The following PKD2L1 variants were observed in gnomAD, a reference collection of about 807,000 sequenced individuals.
The protein encoded by PKD2L1 is polycystin 2 like 1, transient receptor potential cation channel.
A neutral mutation model predicts 93.0 loss-of-function variants in PKD2L1; 77 were observed. The observed-to-expected ratio is 0.83, with a 90% CI of 0.69 to 1.00. The LOEUF is 1.00. PKD2L1 is among the 50% of genes least tolerant of loss of function. The pLI is 0.00. For missense variants in PKD2L1, 977 were observed against 990.9 expected, an observed-to-expected ratio of 0.99 and a Z score of 0.19; for synonymous variants, 390 against 388.0, an observed-to-expected ratio of 1.01 and a Z score of -0.06.
At chr10:100,293,175 C>G (rs921796811) in intron 10 of PKD2L1, 106 bp from the exon 11 acceptor site, 15 of 1,560,670 alleles carry the variant, frequency 9.6e-6, no homozygotes, top group African/African-American at 1.4e-5. Context: ...AATTTAAAGG[C>G]ACACAAGGGC....
At position 100,288,978 on chromosome 10, in the gene PKD2L1, C is replaced by G. The variant is rs1227864338; in HGVS notation, c.2329G>C (p.Glu777Gln). ...PDPWGVQGGQ[E>Q]SEVPYKREEE... ...TTTAGGCCCCCTTCCTCACCACTCT[C>G]CTGCCCACCCTGGACTCCCCAGGGG... The change falls in exon 15 of 16, where the codon GAG becomes CAG. Residue 777 changes from glutamate to glutamine, a missense_variant. Physicochemically the swap from Glu to Gln is conservative, Grantham distance 29. Coordinates refer to ENST00000318222, the MANE Select transcript of PKD2L1 (RefSeq NM_016112.3). 9 of 1,602,420 alleles carry G rather than the reference C, an allele frequency of 5.6e-6. No homozygotes were observed. Among genetic ancestry groups the G allele is most frequent in the Non-Finnish European group, 7.7e-6 (9 of 1,172,704 alleles).
In PKD2L1 at chr10:100,318,415, C is replaced by G. The variant is rs149743902; in HGVS notation, c.349+10796G>C. On this transcript the variant is annotated intron_variant, in intron 2 of 15. Coordinates refer to ENST00000318222, the MANE Select transcript of PKD2L1 (RefSeq NM_016112.3). ...GAGGCAGAGCTTGTGCTCAAACTCA[C>G]GCCTTGTAATACGAGTTATATGCTC... Among the ~76,000 whole-genome samples the G allele has an allele frequency of 3.9e-4, 60 of 152,274 alleles. No individual in the cohort carries two copies. In the South Asian group the frequency reaches 9.1e-3, roughly 23 times the overall value.
At chr10:100,318,427 C>T (rs145651874) in intron 2 of PKD2L1, among the ~76,000 whole-genome samples, 126 of 152,240 alleles carry the variant, frequency 8.3e-4, no homozygotes, top group African/African-American at 2.8e-3. Context: ...CCTTGTAATA[C>T]GAGTTATATG....
intron 2 of PKD2L1, among the ~76,000 whole-genome samples, chr10:100,327,706 A>G (rs1290924663): frequency 2.6e-5 from 4 of 152,216 alleles, no homozygotes; most frequent in Non-Finnish European, 5.9e-5. Flanking sequence ...TCAACAAATG[A>G]ATTTCTGACA....
chr10:100,291,181 A>C, intron 12 of PKD2L1, 120 bp downstream of exon 12: 8 of 1,046,152 alleles, frequency 7.6e-6, no homozygotes, highest in Non-Finnish European at 9.7e-6. Context: ...CTACTATTCT[A>C]GAGAGTTCTT....
intron 2 of PKD2L1, among the ~76,000 whole-genome samples, chr10:100,323,222 T>C (rs1163757074): frequency 6.6e-6 from 1 of 152,204 alleles, no homozygotes; most frequent in Non-Finnish European, 1.5e-5. Context: ...AAAGGTAATT[T>C]TATGTTATTT....
rs199649746 is a variant in PKD2L1, at chr10:100,295,065, C to T, written c.1415G>A (p.Arg472His). The T allele has an allele frequency of 8.6e-5, 139 of 1,613,892 alleles. No individual in the cohort carries two copies. Among genetic ancestry groups the T allele is most frequent in the Middle Eastern group, 3.3e-4 (2 of 6,084 alleles). ...GAAGCCCAGGATGTCCTTGGCACAG[C>T]GGGCCAGCGTGGAGGAGAGCTGGGT... ...TMTQLSSTLA[R>H]CAKDILGFAV... is the part of the protein sequence containing the mutation. The change falls in exon 8 of 16, where the codon CGC becomes CAC. Residue 472 changes from arginine (R) to histidine (H), a missense_variant. Physicochemically the swap from Arg to His is conservative, Grantham distance 29. Transcript: ENST00000318222.
Position 100,288,257 on chromosome 10 carries a change from T to C in PKD2L1, c.*139A>G. ...AATTCAAAGATCTCTGAATCCTGAGTTCATTTCCTTGCCTGATTCCCTTCA... is the reference window on the plus strand; with the variant it reads ...AATTCAAAGATCTCTGAATCCTGAGCTCATTTCCTTGCCTGATTCCCTTCA... On this transcript the variant is annotated 3_prime_UTR_variant, in exon 16 of 16. Transcript: ENST00000318222. 1 of 661,200 alleles carries C rather than the reference T, an allele frequency of 1.5e-6. No homozygotes were observed. Among genetic ancestry groups the C allele is most frequent in the East Asian group, 2.5e-5 (1 of 40,100 alleles). The allele number at this position is 661,200 out of a possible 1,614,324, so 41.0% of individuals were successfully genotyped here. A position where few individuals can be genotyped will look rare whatever the true frequency, so the allele number is the denominator to read the frequency against.
At chr10:100,322,534 A>AATAT (rs1310031940) in intron 2 of PKD2L1, among the ~76,000 whole-genome samples, 1 of 152,220 alleles carries the variant, frequency 6.6e-6, no homozygotes, top group Non-Finnish European at 1.5e-5. Flanking sequence ...GAAAGTATAC[A>AATAT]ATATAATACA....
intron 14 of PKD2L1, 133 bp downstream of exon 14, chr10:100,289,882 C>T (rs943851268): frequency 4.2e-5 from 45 of 1,061,020 alleles, no homozygotes; most frequent in Non-Finnish European, 6.0e-5. Context: ...ATACACTAAC[C>T]GCTATGAACA....
At position 100,292,991 on chromosome 10, in the gene PKD2L1, C is replaced by T. The variant is rs775835162; in HGVS notation, c.1837G>A (p.Glu613Lys). ...AAATCCTCAAACTGGATCTCCTGCTCCCCACCCTGCAGGACCTTCTGCACA... is the reference window on the plus strand; with the variant it reads ...AAATCCTCAAACTGGATCTCCTGCTTCCCACCCTGCAGGACCTTCTGCACA... ...SDVQKVLQGGEQEIQFEDFTN... is the reference protein window; with the variant it reads ...SDVQKVLQGGKQEIQFEDFTN... Residue 613 changes from glutamate to lysine, a missense_variant, in exon 11 of 16, where the codon GAG becomes AAG. Transcript: ENST00000318222. 1 of 1,613,982 alleles carries T rather than the reference C, an allele frequency of 6.2e-7. No homozygotes were observed.
At chr10:100,293,135 C>G in intron 10 of PKD2L1, 66 bp from the exon 11 acceptor site, 1 of 1,594,380 alleles carries the variant, frequency 6.3e-7, no homozygotes, top group South Asian at 1.1e-5. Flanking sequence ...CCCCCAGCCC[C>G]ACCCATAGTA....
chr10:100,301,744 A>G (rs1848682771), intron 2 of PKD2L1, among the ~76,000 whole-genome samples: 1 of 152,200 alleles, frequency 6.6e-6, no homozygotes, highest in Non-Finnish European at 1.5e-5. Context: ...GGCAACATAC[A>G]TCCTCAGTTT....
intron 1 of PKD2L1, 135 bp from the exon 2 acceptor site, chr10:100,329,459 ATCT>A: frequency 2.4e-6 from 3 of 1,242,952 alleles, no homozygotes; most frequent in South Asian, 1.4e-5. Context: ...CCTTGGCTGA[ATCT>A]GGCTACTGTA....
intron 11 of PKD2L1, 109 bp from the exon 12 acceptor site, chr10:100,291,536 A>T (rs1245545744): frequency 8.8e-7 from 1 of 1,135,410 alleles, no homozygotes; most frequent in Non-Finnish European, 1.3e-6. Flanking sequence ...GCTTCTGGTA[A>T]AGAAGGTTCT....
At chr10:100,317,210 AT>A (rs1041718400) in intron 2 of PKD2L1, among the ~76,000 whole-genome samples, 3 of 152,216 alleles carry the variant, frequency 2.0e-5, no homozygotes, top group African/African-American at 7.2e-5. Flanking sequence ...AACACTTTTT[AT>A]TTTTTAAAAA....
At position 100,329,918 on chromosome 10, in the gene PKD2L1, G is replaced by A. The variant is rs1225167722; in HGVS notation, c.186C>T (p.Tyr62=). Residue 62 remains tyrosine (Y), a synonymous_variant, in exon 1 of 16, where the codon TAC becomes TAT. Coordinates refer to ENST00000318222, the MANE Select transcript of PKD2L1 (RefSeq NM_016112.3). ...GGCAGCAGCTGGACACCTGGGTCCT[G>A]TATGCCGTCTCCTGGGGTTCATCTT... ...KPEDEPQETA[Y]RTQVSSCCLH... 1.2e-6 allele frequency: 2 copies of A among 1,613,812 alleles called. No homozygotes were observed. The highest frequency in any genetic ancestry group is 1.7e-6 in the Non-Finnish European group (2 of 1,179,868).
At position 100,291,304 on chromosome 10, in the gene PKD2L1, C is replaced by G. The variant is rs1848400606; in HGVS notation, c.2004G>C (p.Glu668Asp). Residue 668 changes from glutamate to aspartate, a missense_variant, in exon 12 of 16, where the codon GAG (glutamate) becomes GAC (aspartate). Coordinates refer to ENST00000318222, the MANE Select transcript of PKD2L1 (RefSeq NM_016112.3). The stretch of plus-strand genomic sequence containing the variant: ...TCCACCCATCAGCCCAGCTCACCCT[C>G]TCTTCCTCCAGGTCCTGTCGCATTT... Reference protein sequence around the residue: ...QEKMRQDLEEERVALNTEIEK... With the variant: ...QEKMRQDLEEDRVALNTEIEK... 1.2e-6 allele frequency: 2 copies of G among 1,613,546 alleles called. No homozygotes were observed. Among genetic ancestry groups the G allele is most frequent in the Non-Finnish European group, 1.7e-6 (2 of 1,179,734 alleles).
intron 2 of PKD2L1, among the ~76,000 whole-genome samples, chr10:100,324,949 C>A (rs1849344688): frequency 6.6e-6 from 1 of 152,222 alleles, no homozygotes; most frequent in African/African-American, 2.4e-5. Context: ...TAGAGCAACA[C>A]AACAGCCACC....
Sources: gnomAD v4.1 joint callset for allele counts (sites outside exome capture counted in the v4.1 genomes callset) on GRCh38, gnomAD v4.1.1 for gene constraint, MANE v1.5 for transcripts, NCBI Gene and HGNC (gene_info 2026-07-23, HGNC 2026-07-21) for gene names.